ADGRV1: variants seen among roughly 807,000 people sequenced by gnomAD.
ADGRV1 encodes the protein adhesion G protein-coupled receptor V1, also known as G-protein coupled receptor 98.
In ADGRV1, 359 loss-of-function variants were observed where a neutral mutation model predicts 596.2. That is an observed-to-expected ratio of 0.60 (90% confidence interval 0.55 to 0.66). ADGRV1 has a LOEUF of 0.66. Among genes scored for constraint, ADGRV1 ranks in the 30% least tolerant of loss-of-function variants. The pLI, the probability that ADGRV1 is intolerant of heterozygous loss-of-function variation, is 0.00. For missense variants in ADGRV1, 7,274 were observed against 7,575.6 expected (o/e 0.96, Z 1.48); for synonymous variants, 2,681 against 2,679.2 (o/e 1.00, Z -0.02).
At chr5:90,903,653 T>C (rs1268649793) in intron 83 of ADGRV1, among the ~76,000 whole-genome samples, 1 of 152,006 alleles carries the variant, frequency 6.6e-6, no homozygotes, top group Non-Finnish European at 1.5e-5. Flanking sequence ...ACCTAGTAGG[T>C]GTATGTATTT....
Position 91,054,405 on chromosome 5 carries a change from T to C in ADGRV1, c.18153-18042T>C, listed in dbSNP as rs1287326074. Among the ~76,000 whole-genome samples, 2 of 152,078 alleles carry C rather than the reference T, an allele frequency of 1.3e-5. 1 individual carries two copies. The highest frequency in any genetic ancestry group is 2.9e-5 in the Non-Finnish European group (2 of 68,004). ...TCCCTCTTTGCTGAAGAGGAAAGTA[T>C]GGGGCAAAAAATCATGAGGATGCTA... On this transcript the variant is annotated intron_variant, in intron 85 of 89. Transcript: ENST00000405460.
intron 85 of ADGRV1, among the ~76,000 whole-genome samples, chr5:91,044,963 T>G (rs1451720853): frequency 6.6e-6 from 1 of 152,122 alleles, no homozygotes; most frequent in Admixed American, 6.6e-5. Context: ...TGTGGGTGGT[T>G]GAGAACACAA....
chr5:90,855,268 A>G (rs544289950), intron 81 of ADGRV1, among the ~76,000 whole-genome samples: 9 of 152,312 alleles, frequency 5.9e-5, no homozygotes, highest in African/African-American at 2.2e-4. Context: ...TCCAAAGTAG[A>G]AAAAAATTGA....
chr5:91,097,533 T>C (rs1790978650), intron 86 of ADGRV1, among the ~76,000 whole-genome samples: 1 of 152,236 alleles, frequency 6.6e-6, no homozygotes, highest in Non-Finnish European at 1.5e-5. Flanking sequence ...GCCATGAATA[T>C]TGGTGTGCAA....
At chr5:90,845,153 C>T (rs1402421137) in intron 78 of ADGRV1, among the ~76,000 whole-genome samples, 3 of 152,066 alleles carry the variant, frequency 2.0e-5, no homozygotes, top group Middle Eastern at 3.4e-3. Flanking sequence ...CAGTGTAGGG[C>T]GGCTGTCAGG....
At chr5:90,813,278 CA>C (rs1762618878) in intron 74 of ADGRV1, among the ~76,000 whole-genome samples, 1 of 150,304 alleles carries the variant, frequency 6.7e-6, no homozygotes, top group African/African-American at 2.4e-5. Context: ...ATTAGTTTGG[CA>C]CTGGCCAGGC....
At chr5:90,859,471 C>T (rs963275859) in intron 82 of ADGRV1, among the ~76,000 whole-genome samples, 2 of 152,010 alleles carry the variant, frequency 1.3e-5, no homozygotes, top group Non-Finnish European at 2.9e-5. Context: ...CTCTCTCTGT[C>T]GCCCAGGCTG....
At chr5:90,974,594 T>C (rs1243933919) in intron 84 of ADGRV1, among the ~76,000 whole-genome samples, 4 of 152,072 alleles carry the variant, frequency 2.6e-5, no homozygotes, top group Non-Finnish European at 5.9e-5. Flanking sequence ...AAACAAGCAA[T>C]AGGGAAAGGA....
chr5:90,805,029 C>CT (rs146500774), intron 71 of ADGRV1: 1 of 290,086 alleles, frequency 3.4e-6, no homozygotes, highest in Non-Finnish European at 6.3e-6. Flanking sequence ...TTATGCTTAT[C>CT]TTTTTTTGGA....
chr5:90,906,316 T>TTTAAA (rs1772319124), intron 83 of ADGRV1, among the ~76,000 whole-genome samples: 1 of 152,126 alleles, frequency 6.6e-6, no homozygotes, highest in African/African-American at 2.4e-5. Flanking sequence ...TTAGTTCTTC[T>TTTAAA]TTAAATGGTT....
intron 85 of ADGRV1, among the ~76,000 whole-genome samples, chr5:91,060,394 A>T (rs1222572435): frequency 6.7e-4 from 12 of 17,902 alleles, no homozygotes; most frequent in African/African-American, 1.3e-3. Context: ...ATATATATAT[A>T]TATATTTTTT....
At chr5:91,070,851 G>C (rs1046233269) in intron 85 of ADGRV1, among the ~76,000 whole-genome samples, 1 of 152,090 alleles carries the variant, frequency 6.6e-6, no homozygotes, top group Non-Finnish European at 1.5e-5. Context: ...GATGGCTCTT[G>C]GGGAAATGTA....
intron 85 of ADGRV1, among the ~76,000 whole-genome samples, chr5:91,059,905 A>G (rs961722326): frequency 2.6e-5 from 4 of 152,196 alleles, no homozygotes; most frequent in African/African-American, 9.6e-5. Flanking sequence ...ACTAATTAAT[A>G]GTAACATCAT....
intron 11 of ADGRV1, among the ~76,000 whole-genome samples, chr5:90,639,251 T>C (rs1766663434): frequency 6.6e-6 from 1 of 152,160 alleles, no homozygotes; most frequent in African/African-American, 2.4e-5. Flanking sequence ...TTTGTTTTTT[T>C]CCTTAAGTAA....
At chr5:91,042,439 A>G (rs1785440915) in intron 85 of ADGRV1, among the ~76,000 whole-genome samples, 1 of 152,230 alleles carries the variant, frequency 6.6e-6, no homozygotes, top group Non-Finnish European at 1.5e-5. Context: ...AACAAATGTT[A>G]TATTGCCTAA....
intron 67 of ADGRV1, among the ~76,000 whole-genome samples, chr5:90,785,236 C>T (rs1318023566): frequency 5.3e-5 from 8 of 152,178 alleles, no homozygotes; most frequent in Non-Finnish European, 7.3e-5. Flanking sequence ...CTTCCTTACA[C>T]CTTAGACAAA....
intron 87 of ADGRV1, among the ~76,000 whole-genome samples, chr5:91,146,363 A>G (rs569672373): frequency 6.6e-6 from 1 of 152,364 alleles, no homozygotes; most frequent in South Asian, 2.1e-4. Context: ...AGGCGATGTC[A>G]GGAACAGCAA....
chr5:90,579,640 A>T (rs993695066), intron 1 of ADGRV1, among the ~76,000 whole-genome samples: 6 of 152,144 alleles, frequency 3.9e-5, no homozygotes, highest in Non-Finnish European at 7.3e-5. Flanking sequence ...TGCAGAGCTG[A>T]GTTCATGTCC....
At chr5:90,800,715 A>G (rs982390242) in intron 70 of ADGRV1, among the ~76,000 whole-genome samples, 2 of 152,232 alleles carry the variant, frequency 1.3e-5, no homozygotes, top group Non-Finnish European at 2.9e-5. Flanking sequence ...AAAATGTGAC[A>G]CATACACCAT....
Sources: gnomAD v4.1 joint callset for allele counts (sites outside exome capture counted in the v4.1 genomes callset) on GRCh38, gnomAD v4.1.1 for gene constraint, MANE v1.5 for transcripts, NCBI Gene and HGNC (gene_info 2026-07-23, HGNC 2026-07-21) for gene names.